The following HADHA variants were observed in gnomAD, a reference collection of about 807,000 sequenced individuals.
HADHA encodes the protein trifunctional enzyme subunit alpha, mitochondrial.
A neutral mutation model predicts 91.3 loss-of-function variants in HADHA; 59 were observed. The ratio of observed to expected loss-of-function variants is 0.65; its 90% CI spans 0.52 to 0.80. The LOEUF (loss-of-function observed/expected upper bound fraction) is 0.80. HADHA is among the 30% of genes least tolerant of loss of function. HADHA has a pLI of 0.00. For synonymous variants in HADHA, 320 were observed against 338.9 expected (o/e 0.94, Z 0.61); for missense variants, 800 against 927.6 (o/e 0.86, Z 1.79).
chr2:26,199,846 A>G (rs551985925), intron 13 of HADHA, among the ~76,000 whole-genome samples: 24 of 152,300 alleles, frequency 1.6e-4, no homozygotes, highest in Non-Finnish European at 2.9e-4. Flanking sequence ...AGGATGGACT[A>G]TGAGAGATGT....
chr2:26,209,793 G>A lies in HADHA; in HGVS notation c.1072C>T (p.Gln358Ter). 6.5e-7 allele frequency: 1 copy of A among 1,540,526 alleles called. No individual in the cohort carries two copies. The highest frequency in any genetic ancestry group is 9.0e-7 in the Non-Finnish European group (1 of 1,113,020). ...AGTTTAACTTACTTAACATCCTTCTGTGGAGCTCCAAATTTATTCTTCTTG... is the reference window on the plus strand; with the variant it reads ...AGTTTAACTTACTTAACATCCTTCTATGGAGCTCCAAATTTATTCTTCTTG... Reference protein sequence around the residue: ...LCKKNKFGAPQKDVKHLAILG... With the variant: ...LCKKNKFGAP Residue 358 changes from glutamine (Q) to a stop codon, truncating the protein, a stop_gained, in exon 11 of 20, where the codon CAG (glutamine) becomes TAG (stop). Transcript: ENST00000380649. LOFTEE classifies it high-confidence loss of function.
In HADHA at chr2:26,237,079, T is replaced by C. The variant is rs1040367747; in HGVS notation, c.181-91A>G. On this transcript the variant is annotated intron_variant, in intron 3 of 19. Coordinates refer to ENST00000380649, the MANE Select transcript of HADHA (RefSeq NM_000182.5). ...CAAATGCTATTTTGATTATAAGAAA[T>C]ATACTTATCCGGCAGAAATATACTG... 6.5e-6 allele frequency: 6 copies of C among 918,002 alleles called. No individual in the cohort carries two copies. The African/African-American group carries it at 8.1e-5, about 12-fold the overall frequency. 56.9% of individuals were successfully genotyped at this position (918,002 alleles called of 1,614,324 possible).
intron 14 of HADHA, among the ~76,000 whole-genome samples, chr2:26,197,454 C>T (rs1193920552): frequency 2.0e-5 from 3 of 152,290 alleles, no homozygotes; most frequent in Non-Finnish European, 2.9e-5. Flanking sequence ...GGCTTTATAT[C>T]CTGAACCTGA....
chr2:26,209,701 C>G, intron 11 of HADHA, 79 bp downstream of exon 11: 1 of 803,076 alleles, frequency 1.2e-6, no homozygotes, highest in Non-Finnish European at 2.3e-6. Context: ...ACAGATCTAG[C>G]TCTGTAGATC....
Position 26,244,600 on chromosome 2 carries a change from G to T in HADHA, c.-4C>A. The T allele has an allele frequency of 1.9e-6, 3 of 1,576,980 alleles. No individual in the cohort carries two copies. The highest frequency in any genetic ancestry group is 2.6e-6 in the Non-Finnish European group (3 of 1,160,736). On this transcript the variant is annotated 5_prime_UTR_variant, in exon 1 of 20. Transcript: ENST00000380649. ...CAATCGCCCGGCAGGCCACCATCTT[G>T]AGCTGAAGAGGACAGCAGTGGAGAG...
rs764834749 is a variant in HADHA, at chr2:26,215,062, A to G, written c.790T>C (p.Leu264=). The change falls in exon 8 of 20, where the codon TTG becomes CTG. Residue 264 remains leucine (L), a synonymous_variant. Coordinates refer to ENST00000380649, the MANE Select transcript of HADHA (RefSeq NM_000182.5). ...KKISPKRDKG[L]VEKLTAYAMT... Reference sequence around the variant, plus strand: ...TAACAATGATACTCACTTTCCACCAATCCCTTGTCTCTCTTTGGAGAGATC... The same window carrying G: ...TAACAATGATACTCACTTTCCACCAGTCCCTTGTCTCTCTTTGGAGAGATC... 8 of 1,610,428 alleles carry G rather than the reference A, an allele frequency of 5.0e-6. No homozygotes were observed. The East Asian group carries it at 1.8e-4, about 36-fold the overall frequency.
Position 26,195,241 on chromosome 2 carries a change from G to C in HADHA, c.1480-9C>G. Reference sequence around the variant, plus strand: ...TAGTGCATGCCAATCACCTGGCAAGGGGAACCAAAAGCCAACAGATCGGAG... The same window carrying C: ...TAGTGCATGCCAATCACCTGGCAAGCGGAACCAAAAGCCAACAGATCGGAG... On this transcript the variant is annotated splice_polypyrimidine_tract_variant and intron_variant, in intron 14 of 19. Transcript: ENST00000380649. 6.2e-7 allele frequency: 1 copy of C among 1,611,250 alleles called. No individual in the cohort carries two copies. Among genetic ancestry groups the C allele is most frequent in the Non-Finnish European group, 8.5e-7 (1 of 1,177,522 alleles).
At position 26,238,934 on chromosome 2, in the gene HADHA, C is replaced by T. The variant is rs1670825527; in HGVS notation, c.180G>A (p.Lys60=). Residue 60 remains lysine, a splice_region_variant and synonymous_variant, in exon 3 of 20, where the codon AAG becomes AAA. Coordinates refer to ENST00000380649, the MANE Select transcript of HADHA (RefSeq NM_000182.5). ...AVVRINSPNS[K]VNTLSKELHS... is the part of the protein sequence containing the mutation. ...AAAAACTGCAAATTAAATGAGATACCTTTGAATTGGGAGAGTTAATTCGAA... is the reference window on the plus strand; with the variant it reads ...AAAAACTGCAAATTAAATGAGATACTTTTGAATTGGGAGAGTTAATTCGAA... The T allele has an allele frequency of 6.3e-7, 1 of 1,588,656 alleles. No homozygotes were observed.
rs139828590 is a variant in HADHA at position 26,229,230 on chromosome 2, C to A, written c.676+962G>T. Among the ~76,000 whole-genome samples the A allele has an allele frequency of 6.6e-6, 1 of 151,626 alleles. No individual in the cohort carries two copies. The highest frequency in any genetic ancestry group is 2.1e-4 in the South Asian group (1 of 4,800). On this transcript the variant is annotated intron_variant, in intron 7 of 19. Transcript: ENST00000380649. The surrounding 1 kb of genome is among the most constrained non-coding windows in gnomAD (Gnocchi z 4.3). ...GCGTATGCCTGTGGTCTCAGCTACT[C>A]GGGGGGCACAAGTGGGAAGATCATT... is the stretch of plus-strand genomic sequence containing the variant.
rs1278694009 is a variant in HADHA, at chr2:26,221,849, A to G, written c.677-6674T>C. Among the ~76,000 whole-genome samples the G allele has an allele frequency of 2.0e-5, 3 of 152,188 alleles. No homozygotes were observed. The highest frequency in any genetic ancestry group is 2.9e-5 in the Non-Finnish European group (2 of 68,028). On this transcript the variant is annotated intron_variant, in intron 7 of 19. Transcript: ENST00000380649. This position sits in a 1 kb window ranked among gnomAD's most constrained non-coding sequence, Gnocchi z 4.8. ...CCTCCCAGTGGGCAGTACTTCTGACAGTGCACCCGGTTGTTCATTTTGTCT... is the reference window on the plus strand; with the variant it reads ...CCTCCCAGTGGGCAGTACTTCTGACGGTGCACCCGGTTGTTCATTTTGTCT...
intron 13 of HADHA, among the ~76,000 whole-genome samples, chr2:26,200,859 A>T (rs547010320): frequency 6.6e-6 from 1 of 151,906 alleles, no homozygotes; most frequent in African/African-American, 2.4e-5. Context: ...CAGCCTCCCA[A>T]ATAGCTGGGA....
Position 26,190,925 on chromosome 2 carries a change from C to G in HADHA, c.*325G>C. ...GTGTTTGGCTGGGTGCAGAACTGCC[C>G]TCACCACCCCTGGCCACCCTGGCCT... On this transcript the variant is annotated 3_prime_UTR_variant, in exon 20 of 20. Coordinates refer to ENST00000380649, the MANE Select transcript of HADHA (RefSeq NM_000182.5). The G allele has an allele frequency of 2.1e-6, 1 of 480,198 alleles. No individual in the cohort carries two copies. The highest frequency in any genetic ancestry group is 3.8e-6 in the Non-Finnish European group (1 of 261,830). 29.7% of individuals were successfully genotyped at this position (480,198 alleles called of 1,614,324 possible).
intron 5 of HADHA, among the ~76,000 whole-genome samples, chr2:26,233,219 A>C (rs1221394632): frequency 6.6e-6 from 1 of 152,130 alleles, no homozygotes; most frequent in African/African-American, 2.4e-5. Flanking sequence ...GGAACTGGGG[A>C]CCCCTGTCCT....
Position 26,236,887 on chromosome 2 carries a change from C to G in HADHA, c.282G>C (p.Lys94Asn). 2 of 1,612,502 alleles carry G rather than the reference C, an allele frequency of 1.2e-6. No individual in the cohort carries two copies. Among genetic ancestry groups the G allele is most frequent in the South Asian group, 2.2e-5 (2 of 91,018 alleles). Residue 94 changes from lysine (K) to asparagine (N), a missense_variant, in exon 4 of 20, where the codon AAG (lysine) becomes AAC (asparagine). Lys to Asn is a moderately conservative substitution (Grantham distance 94). Transcript: ENST00000380649. ...QIRSAVLISS[K>N]PGCFIAGADI... ...CAGCACCTGCAATAAAGCAGCCTGG[C>G]TTTGATGAGATAAGGACGGCACTTC...
rs532273340 is a variant in HADHA, at chr2:26,195,242, G to A, written c.1480-10C>T. ...AGTGCATGCCAATCACCTGGCAAGGGGAACCAAAAGCCAACAGATCGGAGA... is the reference window on the plus strand; with the variant it reads ...AGTGCATGCCAATCACCTGGCAAGGAGAACCAAAAGCCAACAGATCGGAGA... On this transcript the variant is annotated splice_polypyrimidine_tract_variant and intron_variant, in intron 14 of 19. Coordinates refer to ENST00000380649, the MANE Select transcript of HADHA (RefSeq NM_000182.5). 1.2e-6 allele frequency: 2 copies of A among 1,610,794 alleles called. No individual in the cohort carries two copies. The highest frequency in any genetic ancestry group is 2.2e-5 in the East Asian group (1 of 44,870).
At chr2:26,232,138 AC>A in intron 6 of HADHA, 21 bp downstream of exon 6, 1 of 1,590,126 alleles carries the variant, frequency 6.3e-7, no homozygotes, top group Non-Finnish European at 8.6e-7. Context: ...ATATAGCTTC[AC>A]AAAGGGGATG....
At chr2:26,193,492 A>T in intron 17 of HADHA, 85 bp downstream of exon 17, 1 of 1,134,302 alleles carries the variant, frequency 8.8e-7, no homozygotes, top group East Asian at 2.3e-5. Flanking sequence ...TTCTTCCACG[A>T]GGGCTTCTGT....
chr2:26,219,555 G>T (rs1355822427), intron 7 of HADHA, among the ~76,000 whole-genome samples: 2 of 152,230 alleles, frequency 1.3e-5, no homozygotes, highest in African/African-American at 4.8e-5. Context: ...GTGAGGTGAG[G>T]CCCAGCATCT....
chr2:26,198,035 G>A (rs1190095833), intron 13 of HADHA, among the ~76,000 whole-genome samples: 2 of 152,122 alleles, frequency 1.3e-5, no homozygotes, highest in Non-Finnish European at 2.9e-5. Context: ...CTGACCTGGA[G>A]ACTACATCTC....
Sources: allele counts gnomAD v4.1 joint callset (sites outside exome capture counted in the v4.1 genomes callset), GRCh38; gene constraint gnomAD v4.1.1; non-coding constraint Gnocchi (gnomAD v3.1); transcripts MANE v1.5; gene names NCBI Gene and HGNC (gene_info 2026-07-23, HGNC 2026-07-21).